Variants in AHI1 observed in about 807,000 individuals in gnomAD.
The protein encoded by AHI1 is jouberin.
Under a neutral mutation model 149.3 loss-of-function variants are expected in AHI1, and 123 were observed. The observed-to-expected ratio is 0.82, with a 90% CI of 0.71 to 0.96. The LOEUF (loss-of-function observed/expected upper bound fraction) is 0.96. Ranked by LOEUF, AHI1 falls within the 40% of genes least tolerant of loss-of-function variation. AHI1 has a pLI of 0.00. For missense variants in AHI1, 1,439 were observed against 1,422.7 expected (o/e 1.01, Z -0.18); for synonymous variants, 475 against 459.8 (o/e 1.03, Z -0.42).
chr6:135,472,018 CAAAAAAAAA>C lies in AHI1; in HGVS notation c.136-4393_136-4385del, dbSNP rs541390652. ...TGGGCGACAGAGCGAGACTCCGTCTCAAAAAAAAAAAAAAAAAAAAAAAAAAAAAAAGAT... is the reference window on the plus strand; with the variant it reads ...TGGGCGACAGAGCGAGACTCCGTCTCAAAAAAAAAAAAAAAAAAAAAAGAT... On this transcript the variant is annotated intron_variant, in intron 5 of 28. Transcript: ENST00000265602. Among the ~76,000 whole-genome samples, 23 of 54,420 alleles carry C rather than the reference CAAAAAAAAA, an allele frequency of 4.2e-4. No individual in the cohort carries two copies. The South Asian group carries it at 5.9e-3, about 14-fold the overall frequency. 35.7% of individuals were successfully genotyped at this position (54,420 alleles called of 152,430 possible).
intron 26 of AHI1, among the ~76,000 whole-genome samples, chr6:135,309,393 TA>T (rs1017611093): frequency 6.6e-6 from 1 of 152,164 alleles, no homozygotes; most frequent in Admixed American, 6.5e-5. Flanking sequence ...AAATAGGTGT[TA>T]TAAGTTATTG....
intron 24 of AHI1, among the ~76,000 whole-genome samples, chr6:135,340,665 A>ATG (rs1790194217): frequency 9.3e-6 from 1 of 107,862 alleles, no homozygotes; most frequent in African/African-American, 5.4e-5. Context: ...ATACATATAT[A>ATG]TATATATATA....
rs547035459 is a variant in AHI1, at chr6:135,363,916, G to A, written c.3110-5729C>T. Reference sequence around the variant, plus strand: ...GGCTGACCCCCCCCACCTCCCTCCCGGATGGGGCGGCTGGCCGGGCGGGGG... The same window carrying A: ...GGCTGACCCCCCCCACCTCCCTCCCAGATGGGGCGGCTGGCCGGGCGGGGG... On this transcript the variant is annotated intron_variant, in intron 23 of 28. Coordinates refer to ENST00000265602, the MANE Select transcript of AHI1 (RefSeq NM_001134831.2). Among the ~76,000 whole-genome samples the A allele has an allele frequency of 2.7e-3, 396 of 148,614 alleles. 2 individuals carry two copies. Among genetic ancestry groups the A allele is most frequent in the African/African-American group, 9.2e-3 (368 of 40,188 alleles).
intron 24 of AHI1, among the ~76,000 whole-genome samples, chr6:135,335,145 T>A (rs1789187515): frequency 6.6e-6 from 1 of 152,242 alleles, no homozygotes; most frequent in Non-Finnish European, 1.5e-5. Context: ...TTCTGAGTTA[T>A]TAGCTTTACT....
chr6:135,316,771 C>T (rs1489444768), intron 26 of AHI1, among the ~76,000 whole-genome samples: 1 of 152,124 alleles, frequency 6.6e-6, no homozygotes, highest in African/African-American at 2.4e-5. Flanking sequence ...CACTAATTCT[C>T]ATTTGATTTT....
chr6:135,363,601 C>G (rs1794284730), intron 23 of AHI1, among the ~76,000 whole-genome samples: 1 of 152,012 alleles, frequency 6.6e-6, no homozygotes, highest in Non-Finnish European at 1.5e-5. Context: ...GGCAGAGGGG[C>G]TCCTCACTTC....
intron 23 of AHI1, among the ~76,000 whole-genome samples, chr6:135,369,046 C>T (rs751337204): frequency 5.3e-5 from 8 of 152,214 alleles, no homozygotes; most frequent in Non-Finnish European, 5.9e-5. Context: ...GCAAGACAGT[C>T]AGGAATGCAG....
In AHI1 at chr6:135,488,984, G is replaced by A. The variant is rs540545213; in HGVS notation, c.135+1639C>T. On this transcript the variant is annotated intron_variant, in intron 5 of 28. Coordinates refer to ENST00000265602, the MANE Select transcript of AHI1 (RefSeq NM_001134831.2). The stretch of plus-strand genomic sequence containing the variant: ...TACAGAAATAAAACCCTGTAATTTC[G>A]TCGTTTGTATTAAACGACTAAATAT... Among the ~76,000 whole-genome samples, 20 of 152,138 alleles carry A rather than the reference G, an allele frequency of 1.3e-4. No individual in the cohort carries two copies. The South Asian group carries it at 2.9e-3, about 22-fold the overall frequency.
intron 7 of AHI1, among the ~76,000 whole-genome samples, chr6:135,465,418 A>G (rs980706380): frequency 2.6e-5 from 4 of 152,172 alleles, no homozygotes; most frequent in African/African-American, 9.7e-5. Context: ...AAAAAAAGTT[A>G]TATTTATATA....
chr6:135,358,328 T>C, intron 23 of AHI1, 141 bp from the exon 24 acceptor site: 1 of 738,414 alleles, frequency 1.4e-6, no homozygotes, highest in Non-Finnish European at 2.3e-6. Context: ...GAAGGCAAGA[T>C]CCTTTTAAGA....
At chr6:135,337,930 T>C (rs1789650314) in intron 24 of AHI1, among the ~76,000 whole-genome samples, 1 of 152,196 alleles carries the variant, frequency 6.6e-6, no homozygotes, top group Non-Finnish European at 1.5e-5. Context: ...TTCGCGTACA[T>C]GCATATGAGC....
chr6:135,316,570 T>A (rs1326238768), intron 26 of AHI1, among the ~76,000 whole-genome samples: 1 of 152,108 alleles, frequency 6.6e-6, no homozygotes, highest in Non-Finnish European at 1.5e-5. Context: ...GGGCACTTTT[T>A]TCTGTTTATT....
intron 17 of AHI1, among the ~76,000 whole-genome samples, chr6:135,430,307 C>T (rs1784472231): frequency 6.6e-6 from 1 of 151,890 alleles, no homozygotes; most frequent in African/African-American, 2.4e-5. Context: ...CATCTTGTAA[C>T]ATTACATTTT....
intron 5 of AHI1, among the ~76,000 whole-genome samples, chr6:135,487,577 G>A (rs1402025759): frequency 6.6e-6 from 1 of 151,894 alleles, no homozygotes; most frequent in African/African-American, 2.4e-5. Flanking sequence ...CATATTTTGG[G>A]GGTACATGTG....
chr6:135,300,734 C>A, intron 26 of AHI1, 176 bp from the exon 27 acceptor site: 1 of 1,230,950 alleles, frequency 8.1e-7, no homozygotes, highest in Non-Finnish European at 1.0e-6. Context: ...AATATATTTG[C>A]TCCCATGAAA....
At chr6:135,334,183 T>C (rs1789023075) in intron 24 of AHI1, among the ~76,000 whole-genome samples, 1 of 152,234 alleles carries the variant, frequency 6.6e-6, no homozygotes, top group South Asian at 2.1e-4. Flanking sequence ...CTCATTTTTA[T>C]ATGATGGTGA....
At chr6:135,490,346 G>T in intron 5 of AHI1, 1 of 666,242 alleles carries the variant, frequency 1.5e-6, no homozygotes, top group South Asian at 1.7e-5. Context: ...CTTCAAAAAT[G>T]TTATCATGGC....
At chr6:135,486,747 A>G (rs1794534690) in intron 5 of AHI1, among the ~76,000 whole-genome samples, 2 of 152,046 alleles carry the variant, frequency 1.3e-5, no homozygotes, top group Admixed American at 1.3e-4. Flanking sequence ...CAAGTAAAAT[A>G]CCTGATATTT....
intron 24 of AHI1, among the ~76,000 whole-genome samples, chr6:135,346,508 C>T (rs180950910): frequency 1.9e-4 from 29 of 152,002 alleles, no homozygotes; most frequent in African/African-American, 6.8e-4. Context: ...CCAAGCTGTG[C>T]TTATTTTTAG....
Sources: allele counts gnomAD v4.1 joint callset (sites outside exome capture counted in the v4.1 genomes callset), GRCh38; gene constraint gnomAD v4.1.1; transcripts MANE v1.5; gene names NCBI Gene and HGNC (gene_info 2026-07-23, HGNC 2026-07-21).